The following ERC1 variants were observed in gnomAD, a reference collection of about 807,000 sequenced individuals.
ERC1 encodes the protein ELKS/RAB6-interacting/CAST family member 1.
ERC1 carries 56 observed loss-of-function variants against 132.0 expected under a neutral mutation model. The observed-to-expected ratio is 0.42, with a 90% CI of 0.34 to 0.53. ERC1 has a LOEUF of 0.53. Ranked by LOEUF, ERC1 falls within the 20% of genes least tolerant of loss-of-function variation. ERC1 has a pLI of 0.03. For synonymous variants in ERC1, 478 were observed against 476.1 expected (o/e 1.00, Z -0.05); for missense variants, 1,202 against 1,349.9 (o/e 0.89, Z 1.72).
At chr12:1,301,063 A>G (rs1406512910) in intron 15 of ERC1, among the ~76,000 whole-genome samples, 1 of 152,138 alleles carries the variant, frequency 6.6e-6, no homozygotes, top group Admixed American at 6.5e-5. Flanking sequence ...GCTGGAGGCC[A>G]TTATTCTAAG....
intron 8 of ERC1, among the ~76,000 whole-genome samples, chr12:1,150,700 A>G (rs935804399): frequency 4.6e-5 from 7 of 152,238 alleles, no homozygotes; most frequent in Non-Finnish European, 7.3e-5. Flanking sequence ...GCACAACCCC[A>G]GTCCAATTAT....
chr12:1,463,452 C>G (rs1185731027), intron 18 of ERC1, among the ~76,000 whole-genome samples: 1 of 152,178 alleles, frequency 6.6e-6, no homozygotes, highest in Non-Finnish European at 1.5e-5. Context: ...GGGCAGCAAA[C>G]TTTCTTCTGG....
In ERC1 at chr12:1,483,314, T is replaced by C. The variant is rs183474029; in HGVS notation, c.3214-6779T>C. On this transcript the variant is annotated intron_variant, in intron 18 of 18. Transcript: ENST00000360905. Reference sequence around the variant, plus strand: ...CCCTGTCTCAAAAATAAAAAAAGAATAGAATCATACAAGACGTGGTCTGTT... The same window carrying C: ...CCCTGTCTCAAAAATAAAAAAAGAACAGAATCATACAAGACGTGGTCTGTT... Among the ~76,000 whole-genome samples the C allele has an allele frequency of 9.9e-4, 151 of 152,160 alleles. 5 individuals are homozygous for C. The highest frequency in any genetic ancestry group is 9.9e-3 in the Admixed American group (151 of 15,280).
intron 13 of ERC1, among the ~76,000 whole-genome samples, chr12:1,261,722 CAG>C (rs2077157606): frequency 6.6e-6 from 1 of 152,128 alleles, no homozygotes; most frequent in Non-Finnish European, 1.5e-5. Flanking sequence ...CTACATAAAA[CAG>C]AACCTCACTT....
intron 2 of ERC1, among the ~76,000 whole-genome samples, chr12:1,031,734 A>T (rs1446572573): frequency 6.6e-6 from 1 of 152,204 alleles, no homozygotes; most frequent in Non-Finnish European, 1.5e-5. Flanking sequence ...TCCTTTAAAA[A>T]ATATTCCTTA....
upstream of ERC1, among the ~76,000 whole-genome samples, chr12:990,819 C>G (rs973972919): frequency 1.3e-5 from 2 of 151,554 alleles, no homozygotes; most frequent in Admixed American, 6.6e-5. Flanking sequence ...TGGGAAGACA[C>G]GAAGCGGCTC....
chr12:1,091,812 A>T (rs969127089), intron 3 of ERC1, among the ~76,000 whole-genome samples: 2 of 152,124 alleles, frequency 1.3e-5, no homozygotes, highest in Admixed American at 1.3e-4. Context: ...TATAGTAAGG[A>T]ATTTAACTGC....
chr12:1,118,360 C>T (rs144076423), intron 7 of ERC1, among the ~76,000 whole-genome samples: 2 of 152,170 alleles, frequency 1.3e-5, no homozygotes, highest in African/African-American at 2.4e-5. Flanking sequence ...CTTTGTACCC[C>T]CCTCAAATAA....
intron 3 of ERC1, among the ~76,000 whole-genome samples, chr12:1,098,308 AT>A (rs1474947835): frequency 6.6e-6 from 1 of 152,184 alleles, no homozygotes; most frequent in African/African-American, 2.4e-5. Context: ...ATAATGGTAA[AT>A]TTATTGAAAG....
In ERC1 at chr12:1,023,421, T is replaced by C. The variant is rs528339293; in HGVS notation, c.-156-4327T>C. On this transcript the variant is annotated intron_variant, in intron 1 of 18. Coordinates refer to ENST00000360905, the MANE Select transcript of ERC1 (RefSeq NM_178040.4). Reference sequence around the variant, plus strand: ...TGTTCTTTTTTTGATTTTTTTTTTTTCCCCTGCAGCAGCAGGTTTGGTTTT... The same window carrying C: ...TGTTCTTTTTTTGATTTTTTTTTTTCCCCCTGCAGCAGCAGGTTTGGTTTT... Among the ~76,000 whole-genome samples, 491 of 151,610 alleles carry C rather than the reference T, an allele frequency of 3.2e-3. 2 individuals are homozygous for C. Among genetic ancestry groups the C allele is most frequent in the African/African-American group, 0.011 (463 of 41,390 alleles).
intron 13 of ERC1, among the ~76,000 whole-genome samples, chr12:1,254,695 T>C (rs146404689): frequency 1.0e-3 from 155 of 152,218 alleles, no homozygotes; most frequent in Middle Eastern, 6.8e-3. Context: ...GTATTTTTAG[T>C]AGAGATGTGG....
chr12:1,334,579 T>C (rs985822150), intron 15 of ERC1, among the ~76,000 whole-genome samples: 4 of 152,190 alleles, frequency 2.6e-5, no homozygotes, highest in Non-Finnish European at 5.9e-5. Flanking sequence ...CTCTCTTCTG[T>C]TCCATTGGTC....
Position 1,048,135 on chromosome 12 carries a change from T to G in ERC1, c.669+19563T>G, listed in dbSNP as rs569118975. 1.3e-4 allele frequency among the ~76,000 whole-genome samples: 20 copies of G among 152,360 alleles called. No individual in the cohort carries two copies. In the East Asian group the frequency reaches 3.9e-3, roughly 29 times the overall value. On this transcript the variant is annotated intron_variant, in intron 2 of 18. Coordinates refer to ENST00000360905, the MANE Select transcript of ERC1 (RefSeq NM_178040.4). Reference sequence around the variant, plus strand: ...GACTTTCTCAAAGTGTTGACTCGTTTGTGATGTTTTTGCATTTGTTTGGTT... The same window carrying G: ...GACTTTCTCAAAGTGTTGACTCGTTGGTGATGTTTTTGCATTTGTTTGGTT...
chr12:1,184,860 T>G (rs1208668644), intron 11 of ERC1, among the ~76,000 whole-genome samples: 1 of 152,132 alleles, frequency 6.6e-6, no homozygotes, highest in Non-Finnish European at 1.5e-5. Flanking sequence ...ATAAGTGATC[T>G]TCCTGCCTCA....
chr12:1,068,192 A>G (rs1939615746), intron 2 of ERC1, among the ~76,000 whole-genome samples: 2 of 152,194 alleles, frequency 1.3e-5, no homozygotes, highest in South Asian at 4.2e-4. Flanking sequence ...GGCCTCCCAA[A>G]GTACTGGGAT....
At chr12:1,329,803 G>C (rs2082733004) in intron 15 of ERC1, among the ~76,000 whole-genome samples, 1 of 152,196 alleles carries the variant, frequency 6.6e-6, no homozygotes, top group South Asian at 2.1e-4. Context: ...GAGGTAGAAT[G>C]AACAGAAGAT....
chr12:1,298,931 G>C (rs2080186031), intron 15 of ERC1, among the ~76,000 whole-genome samples: 1 of 152,002 alleles, frequency 6.6e-6, no homozygotes, highest in South Asian at 2.1e-4. Context: ...CCAGAGATAA[G>C]AAAAGACCAT....
intron 15 of ERC1, among the ~76,000 whole-genome samples, chr12:1,334,836 C>T (rs930227037): frequency 3.3e-5 from 5 of 152,108 alleles, no homozygotes; most frequent in Non-Finnish European, 5.9e-5. Flanking sequence ...GGCCATTAAA[C>T]GATATTGATT....
intron 18 of ERC1, chr12:1,480,992 A>C: frequency 1.5e-6 from 1 of 684,906 alleles, no homozygotes; most frequent in Non-Finnish European, 2.7e-6. Context: ...ATGGTACTGA[A>C]GCCTATAGAT....
Sources: allele counts gnomAD v4.1 joint callset (sites outside exome capture counted in the v4.1 genomes callset), GRCh38; gene constraint gnomAD v4.1.1; transcripts MANE v1.5; gene names NCBI Gene and HGNC (gene_info 2026-07-23, HGNC 2026-07-21).